AGPAT4: variants seen among roughly 807,000 people sequenced by gnomAD.
AGPAT4 encodes the protein 1-acyl-sn-glycerol-3-phosphate acyltransferase delta.
A neutral mutation model predicts 48.0 loss-of-function variants in AGPAT4; 15 were observed. The observed-to-expected ratio is 0.31, with a 90% confidence interval of 0.21 to 0.48. The LOEUF is 0.48. Among genes scored for constraint, AGPAT4 ranks in the 20% least tolerant of loss-of-function variants. The pLI is 0.99. For missense variants in AGPAT4, 314 were observed against 482.5 expected, an observed-to-expected ratio of 0.65 and a Z score of 3.27; for synonymous variants, 178 against 198.7, an observed-to-expected ratio of 0.90 and a Z score of 0.88.
chr6:161,210,660 A>C (rs576935384), intron 2 of AGPAT4, among the ~76,000 whole-genome samples: 1 of 152,192 alleles, frequency 6.6e-6, no homozygotes, highest in African/African-American at 2.4e-5. Flanking sequence ...CTTTAAAATT[A>C]TTGGTAAAGT....
Position 161,232,652 on chromosome 6 carries a change from C to A in AGPAT4, c.-89-350G>T, listed in dbSNP as rs547172917. On this transcript the variant is annotated intron_variant, in intron 1 of 8. Coordinates refer to ENST00000320285, the MANE Select transcript of AGPAT4 (RefSeq NM_020133.3). The surrounding 1 kb of genome is among the most constrained non-coding windows in gnomAD (Gnocchi z 6.8). ...GGAGCCCTGGGTCCCACTTGAGTGA[C>A]GGCTGCCCACAGGACAGGCCGCAAA... 6.6e-6 allele frequency among the ~76,000 whole-genome samples: 1 copy of A among 152,320 alleles called. No homozygotes were observed. Among genetic ancestry groups the A allele is most frequent in the Admixed American group, 6.5e-5 (1 of 15,308 alleles).
At chr6:161,205,977 G>A (rs549934147) in intron 2 of AGPAT4, among the ~76,000 whole-genome samples, 2 of 152,204 alleles carry the variant, frequency 1.3e-5, no homozygotes, top group East Asian at 3.9e-4. Flanking sequence ...GTGGAGAGAA[G>A]AAGGCAGACC....
At position 161,149,439 on chromosome 6, in the gene AGPAT4, A is replaced by G; in HGVS notation, c.665-150T>C. On this transcript the variant is annotated intron_variant, in intron 5 of 8. Transcript: ENST00000320285. The surrounding 1 kb of genome is among the most constrained non-coding windows in gnomAD (Gnocchi z 6.5). Reference sequence around the variant, plus strand: ...ATTTCTTTCTTTCTATATGGTCCACATGTTCTACACTGAATGTGTATTATC... The same window carrying G: ...ATTTCTTTCTTTCTATATGGTCCACGTGTTCTACACTGAATGTGTATTATC... The G allele has an allele frequency of 1.6e-6, 1 of 623,650 alleles. No homozygotes were observed. The highest frequency in any genetic ancestry group is 2.5e-5 in the South Asian group (1 of 40,196). The allele number at this position is 623,650 out of a possible 1,614,324, so 38.6% of individuals were successfully genotyped here.
chr6:161,148,580 T>C lies in AGPAT4; in HGVS notation c.767+607A>G, dbSNP rs559806693. ...TCCACAGCACAACAAACCAATACGGTCCCTGACCCGTCACACTGGGTTTTA... is the reference window on the plus strand; with the variant it reads ...TCCACAGCACAACAAACCAATACGGCCCCTGACCCGTCACACTGGGTTTTA... On this transcript the variant is annotated intron_variant, in intron 6 of 8. Transcript: ENST00000320285. The surrounding 1 kb of genome is among the most constrained non-coding windows in gnomAD (Gnocchi z 5.5). 1.3e-5 allele frequency among the ~76,000 whole-genome samples: 2 copies of C among 152,130 alleles called. No homozygotes were observed. Among genetic ancestry groups the C allele is most frequent in the African/African-American group, 4.8e-5 (2 of 41,436 alleles).
Position 161,201,300 on chromosome 6 carries a change from C to G in AGPAT4, c.178+30736G>C, listed in dbSNP as rs1315667882. On this transcript the variant is annotated intron_variant, in intron 2 of 8. Coordinates refer to ENST00000320285, the MANE Select transcript of AGPAT4 (RefSeq NM_020133.3). The surrounding 1 kb of genome is among the most constrained non-coding windows in gnomAD (Gnocchi z 6.0). ...TTTTCTCTGGGACTGGATTAATGAG[C>G]TCTACAGTCCCAAGAGAGAGGTTAA... is the stretch of plus-strand genomic sequence containing the variant. Among the ~76,000 whole-genome samples the G allele has an allele frequency of 6.6e-6, 1 of 152,086 alleles. No individual in the cohort carries two copies. Among genetic ancestry groups the G allele is most frequent in the Non-Finnish European group, 1.5e-5 (1 of 68,010 alleles).
Position 161,246,217 on chromosome 6 carries a change from C to G in AGPAT4, c.-89-13915G>C, listed in dbSNP as rs1782642545. On this transcript the variant is annotated intron_variant, in intron 1 of 8. Coordinates refer to ENST00000320285, the MANE Select transcript of AGPAT4 (RefSeq NM_020133.3). The surrounding 1 kb of genome is among the most constrained non-coding windows in gnomAD (Gnocchi z 5.5). ...GGAGAAGTGATGAGGTTCTTTCCAA[C>G]TTTTAAGCAGAATCCAGGACAGAGT... Among the ~76,000 whole-genome samples the G allele has an allele frequency of 6.6e-6, 1 of 152,182 alleles. No homozygotes were observed. Among genetic ancestry groups the G allele is most frequent in the South Asian group, 2.1e-4 (1 of 4,832 alleles).
Position 161,226,029 on chromosome 6 carries a change from G to A in AGPAT4, c.178+6007C>T, listed in dbSNP as rs942390041. ...TTTAGGATCATGTCCACCTACAGCC[G>A]GTTACTGAACCCTCTTCTGGGAAGG... is the stretch of plus-strand genomic sequence containing the variant. On this transcript the variant is annotated intron_variant, in intron 2 of 8. Transcript: ENST00000320285. This position sits in a 1 kb window ranked among gnomAD's most constrained non-coding sequence, Gnocchi z 6.3. Among the ~76,000 whole-genome samples, 7 of 152,216 alleles carry A rather than the reference G, an allele frequency of 4.6e-5. No homozygotes were observed. Among genetic ancestry groups the A allele is most frequent in the African/African-American group, 7.2e-5 (3 of 41,534 alleles).
intron 1 of AGPAT4, among the ~76,000 whole-genome samples, chr6:161,273,580 C>G (rs6914451): frequency 0.1 from 15,656 of 152,182 alleles, 1,120 homozygotes; most frequent in Middle Eastern, 0.16. Context: ...CCACCACCCC[C>G]CGCCCAGCTT....
At position 161,148,134 on chromosome 6, in the gene AGPAT4, A is replaced by C. The variant is rs1442034589; in HGVS notation, c.767+1053T>G. ...GAGTGGAGCTCCTGCCAGCTGTCAG[A>C]GAACATGGGGAATAAAACCTCACTT... On this transcript the variant is annotated intron_variant, in intron 6 of 8. Transcript: ENST00000320285. This position sits in a 1 kb window ranked among gnomAD's most constrained non-coding sequence, Gnocchi z 5.5. Among the ~76,000 whole-genome samples the C allele has an allele frequency of 6.6e-6, 1 of 152,210 alleles. No homozygotes were observed. Among genetic ancestry groups the C allele is most frequent in the Non-Finnish European group, 1.5e-5 (1 of 68,044 alleles).
intron 1 of AGPAT4, among the ~76,000 whole-genome samples, chr6:161,248,188 T>A (rs902912036): frequency 4.0e-5 from 6 of 151,854 alleles, no homozygotes; most frequent in Admixed American, 3.9e-4. Context: ...ACAAAATCAA[T>A]GAACAAAATT....
chr6:161,205,274 T>C (rs1021301816), intron 2 of AGPAT4, among the ~76,000 whole-genome samples: 4 of 152,044 alleles, frequency 2.6e-5, no homozygotes, highest in African/African-American at 7.3e-5. Context: ...TCTCCAGGCA[T>C]GGTCAAAGAA....
rs960770390 is a variant in AGPAT4, at chr6:161,180,065, A to T, written c.179-13648T>A. 2.0e-5 allele frequency among the ~76,000 whole-genome samples: 3 copies of T among 152,196 alleles called. No individual in the cohort carries two copies. The highest frequency in any genetic ancestry group is 7.2e-5 in the African/African-American group (3 of 41,450). On this transcript the variant is annotated intron_variant, in intron 2 of 8. Coordinates refer to ENST00000320285, the MANE Select transcript of AGPAT4 (RefSeq NM_020133.3). This position sits in a 1 kb window ranked among gnomAD's most constrained non-coding sequence, Gnocchi z 6.4. ...TATCCCCAAAGACCTCCTTATTCTC[A>T]GCTCCTACTCCTCTCTAAGTAGTCA...
rs1469657868 is a variant in AGPAT4 at position 161,141,865 on chromosome 6, CTTTAT to C, written c.844-2250_844-2246del. Among the ~76,000 whole-genome samples the C allele has an allele frequency of 6.6e-6, 1 of 152,082 alleles. No individual in the cohort carries two copies. Among genetic ancestry groups the C allele is most frequent in the Admixed American group, 6.5e-5 (1 of 15,272 alleles). On this transcript the variant is annotated intron_variant, in intron 7 of 8. Transcript: ENST00000320285. The surrounding 1 kb of genome is among the most constrained non-coding windows in gnomAD (Gnocchi z 6.7). ...TTCCCAACTCAGAACTTCCCATTCACTTTATTTTATTTTTTGAGACAGAGTCTCAC... is the reference window on the plus strand; with the variant it reads ...TTCCCAACTCAGAACTTCCCATTCACTTTATTTTTTGAGACAGAGTCTCAC...
intron 1 of AGPAT4, among the ~76,000 whole-genome samples, chr6:161,260,053 T>C (rs1026427481): frequency 2.0e-5 from 3 of 152,120 alleles, no homozygotes; most frequent in African/African-American, 2.4e-5. Context: ...AAGAACAGCA[T>C]GTGGGGACAG....
In AGPAT4 at chr6:161,254,039, A is replaced by T. The variant is rs16892343; in HGVS notation, c.-90+19899T>A. Among the ~76,000 whole-genome samples, 10,720 of 152,130 alleles carry T rather than the reference A, an allele frequency of 0.07. 1,241 individuals carry two copies. The highest frequency in any genetic ancestry group is 0.24 in the African/African-American group (10,093 of 41,426). ...TTTTTAAAATGGTTGGACAATTCAC[A>T]CTTCAGGTGGATGTTTGGGGTTAGT... On this transcript the variant is annotated intron_variant, in intron 1 of 8. Transcript: ENST00000320285. The surrounding 1 kb of genome is among the most constrained non-coding windows in gnomAD (Gnocchi z 5.9).
rs1363528031 is a variant in AGPAT4 at position 161,259,610 on chromosome 6, T to G, written c.-90+14328A>C. ...GCCTGGTCAAAATGAGAATGTGGGGTTCCTTCTTCAAAAACTATCAAGAAT... is the reference window on the plus strand; with the variant it reads ...GCCTGGTCAAAATGAGAATGTGGGGGTCCTTCTTCAAAAACTATCAAGAAT... On this transcript the variant is annotated intron_variant, in intron 1 of 8. Transcript: ENST00000320285. This position sits in a 1 kb window ranked among gnomAD's most constrained non-coding sequence, Gnocchi z 4.9. Among the ~76,000 whole-genome samples the G allele has an allele frequency of 6.6e-6, 1 of 151,880 alleles. No individual in the cohort carries two copies. The highest frequency in any genetic ancestry group is 2.4e-5 in the African/African-American group (1 of 41,392).
At position 161,132,644 on chromosome 6, in the gene AGPAT4, A is replaced by G. The variant is rs1778937881; in HGVS notation, c.*3896T>C. 1 of 152,324 alleles carries G rather than the reference A, an allele frequency of 6.6e-6. No homozygotes were observed. The highest frequency in any genetic ancestry group is 1.5e-5 in the Non-Finnish European group (1 of 68,082). The allele number at this position is 152,324 out of a possible 1,614,324, so 9.4% of individuals were successfully genotyped here. ...AGAAAGCATGGTGGAGTCCGAAAGC[A>G]TTGGCAAAGCCAGCACATCTGTGAG... is the stretch of plus-strand genomic sequence containing the variant. On this transcript the variant is annotated 3_prime_UTR_variant, in exon 9 of 9. Transcript: ENST00000320285.
At chr6:161,145,339 C>T (rs1371087339) in intron 7 of AGPAT4, among the ~76,000 whole-genome samples, 1 of 151,608 alleles carries the variant, frequency 6.6e-6, no homozygotes, top group East Asian at 1.9e-4. Context: ...TGAGTCCATA[C>T]ATACAATTTG....
At position 161,140,854 on chromosome 6, in the gene AGPAT4, A is replaced by T. The variant is rs532529727; in HGVS notation, c.844-1234T>A. On this transcript the variant is annotated intron_variant, in intron 7 of 8. Transcript: ENST00000320285. The surrounding 1 kb of genome is among the most constrained non-coding windows in gnomAD (Gnocchi z 6.5). ...CTATTGTAAAAGCTGCACGTGGCCGATAGCATGCACGCCACACAAAAATGG... is the reference window on the plus strand; with the variant it reads ...CTATTGTAAAAGCTGCACGTGGCCGTTAGCATGCACGCCACACAAAAATGG... 6.6e-5 allele frequency among the ~76,000 whole-genome samples: 10 copies of T among 152,328 alleles called. No individual in the cohort carries two copies. Among genetic ancestry groups the T allele is most frequent in the African/African-American group, 2.4e-4 (10 of 41,578 alleles).
Sources: gnomAD v4.1 joint callset for allele counts (sites outside exome capture counted in the v4.1 genomes callset) on GRCh38, gnomAD v4.1.1 for gene constraint, Gnocchi (gnomAD v3.1) non-coding constraint, MANE v1.5 for transcripts, NCBI Gene and HGNC (gene_info 2026-07-23, HGNC 2026-07-21) for gene names.